The following ARHGAP8 variants were observed in gnomAD, a reference collection of about 807,000 sequenced individuals.
The protein encoded by ARHGAP8 is rho GTPase-activating protein 8.
ARHGAP8 carries 62 observed loss-of-function variants against 46.1 expected under a neutral mutation model. The ratio of observed to expected loss-of-function variants is 1.34; its 90% confidence interval spans 1.10 to 1.66. The LOEUF (loss-of-function observed/expected upper bound fraction) is 1.66, where lower values mean the gene tolerates loss of function less well. Ranked by LOEUF, ARHGAP8 falls within the 40% of genes most tolerant of loss-of-function variation. The probability of loss-of-function intolerance (pLI) is 0.00; values close to 1 mark genes in which losing one functional copy is unlikely to be tolerated. For synonymous variants in ARHGAP8, 375 were observed against 243.1 expected (o/e 1.54, Z -5.05); for missense variants, 923 against 568.4 (o/e 1.62, Z -6.34).
rs1030189901 is a variant in ARHGAP8, at chr22:44,822,375, A to C, written c.391A>C (p.Lys131Gln). The C allele has an allele frequency of 6.3e-7, 1 of 1,578,952 alleles. No individual in the cohort carries two copies. The highest frequency in any genetic ancestry group is 1.4e-5 in the African/African-American group (1 of 72,164). The stretch of plus-strand genomic sequence containing the variant: ...CTCTTGCTTCTGCTTTCTTAGTCAC[A>C]AGTTTGGGAAGAAAGTCATCTATTT... The part of the protein sequence containing the change: ...WNILKPLISH[K>Q]FGKKVIYFNY... The change falls in exon 6 of 12, where the codon AAG becomes CAG. Residue 131 changes from lysine (K) to glutamine (Q), a missense_variant. Lys to Gln is a moderately conservative substitution (Grantham distance 53). Coordinates refer to ENST00000356099, the MANE Select transcript of ARHGAP8 (RefSeq NM_181335.3).
intron 6 of ARHGAP8, among the ~76,000 whole-genome samples, chr22:44,822,806 G>A (rs969177958): frequency 6.6e-6 from 1 of 152,208 alleles, no homozygotes; most frequent in Non-Finnish European, 1.5e-5. Context: ...GAATTTCCCA[G>A]GCGTGTGGAT....
intron 10 of ARHGAP8, among the ~76,000 whole-genome samples, chr22:44,856,684 T>C (rs1232695075): frequency 6.9e-6 from 1 of 144,046 alleles, no homozygotes; most frequent in Non-Finnish European, 1.5e-5. Context: ...GAAAGGAGAA[T>C]CGTATCCCAT....
chr22:44,772,910 C>A (rs1926145490), intron 1 of ARHGAP8, among the ~76,000 whole-genome samples: 1 of 151,254 alleles, frequency 6.6e-6, no homozygotes. Context: ...CCCTGACCTC[C>A]TGGGTTCAAG....
chr22:44,808,234 T>A, intron 3 of ARHGAP8, 73 bp from the exon 4 acceptor site: 1 of 1,561,162 alleles, frequency 6.4e-7, no homozygotes, highest in South Asian at 1.2e-5. Flanking sequence ...TAGCTTCCAT[T>A]ATAGGGAAAG....
chr22:44,861,393 G>A (rs1355688643), intron 11 of ARHGAP8, among the ~76,000 whole-genome samples: 1 of 152,224 alleles, frequency 6.6e-6, no homozygotes, highest in Non-Finnish European at 1.5e-5. Flanking sequence ...GCACCTGGGG[G>A]CCTCGGCTTG....
At chr22:44,822,795 A>G (rs136663) in intron 6 of ARHGAP8, among the ~76,000 whole-genome samples, 146,217 of 152,322 alleles carry the variant, frequency 0.96, 70,230 homozygotes, top group African/African-American at 0.97. Flanking sequence ...GAAAATTAGG[A>G]GAATTTCCCA....
intron 1 of ARHGAP8, among the ~76,000 whole-genome samples, chr22:44,781,773 C>T (rs1393062435): frequency 6.6e-6 from 1 of 152,136 alleles, no homozygotes; most frequent in African/African-American, 2.4e-5. Context: ...GATCCACATG[C>T]CTCAGCCACC....
At position 44,786,259 on chromosome 22, in the gene ARHGAP8, C is replaced by CTGGGTGCTCGGCTGAGGCAGGGCGCCTAG. The variant is rs1224292131; in HGVS notation, c.-71-172_-71-144dup. ...GTGCTCGGCTGAGGGAGGGCGCGTA[C>CTGGGTGCTCGGCTGAGGCAGGGCGCCTAG]TGGGTGCTCGGCTGAGGCAGGGCGC... On this transcript the variant is annotated intron_variant, in intron 1 of 11. Coordinates refer to ENST00000356099, the MANE Select transcript of ARHGAP8 (RefSeq NM_181335.3). 5.0e-4 allele frequency among the ~76,000 whole-genome samples: 71 copies of CTGGGTGCTCGGCTGAGGCAGGGCGCCTAG among 141,156 alleles called. 2 individuals carry two copies. The highest frequency in any genetic ancestry group is 4.8e-3 in the Admixed American group (67 of 14,034). The allele number at this position is 141,156 out of a possible 152,430, so 92.6% of individuals were successfully genotyped here.
Position 44,859,798 on chromosome 22 carries a change from C to T in ARHGAP8, c.945C>T (p.Tyr315=), listed in dbSNP as rs565888098. 8.6e-5 allele frequency: 139 copies of T among 1,614,016 alleles called. No homozygotes were observed. Among genetic ancestry groups the T allele is most frequent in the Admixed American group, 5.2e-4 (31 of 60,024 alleles). The change falls in exon 11 of 12, where the codon TAC becomes TAT. Residue 315 remains tyrosine (Y), a synonymous_variant. Coordinates refer to ENST00000356099, the MANE Select transcript of ARHGAP8 (RefSeq NM_181335.3). The stretch of plus-strand genomic sequence containing the variant: ...TACGGAGCCTCCCAGAGCACAACTA[C>T]GTCGTCCTCCGCTACCTCATGGGCT... The part of the protein sequence containing the change: ...QILRSLPEHN[Y]VVLRYLMGFL...
At chr22:44,798,307 C>T (rs549938877) in intron 2 of ARHGAP8, among the ~76,000 whole-genome samples, 16 of 152,022 alleles carry the variant, frequency 1.1e-4, no homozygotes, top group Non-Finnish European at 1.8e-4. Context: ...AGGAAGGTCT[C>T]ATTATGTTGC....
intron 2 of ARHGAP8, among the ~76,000 whole-genome samples, chr22:44,798,919 G>A (rs1265551495): frequency 1.3e-5 from 2 of 152,116 alleles, no homozygotes; most frequent in African/African-American, 4.8e-5. Flanking sequence ...CATGTGCAAC[G>A]AGGAGCTGGA....
At chr22:44,835,221 GT>G (rs1931202834) in intron 7 of ARHGAP8, among the ~76,000 whole-genome samples, 5 of 140,266 alleles carry the variant, frequency 3.6e-5, no homozygotes, top group Admixed American at 7.2e-5. Flanking sequence ...TCAATTTTTT[GT>G]TTCTTTTGCT....
At chr22:44,819,187 G>A (rs1454709065) in intron 5 of ARHGAP8, among the ~76,000 whole-genome samples, 1 of 152,196 alleles carries the variant, frequency 6.6e-6, no homozygotes, top group East Asian at 1.9e-4. Context: ...TCCCACCTCA[G>A]CCTTCCAAGT....
At chr22:44,811,880 T>C (rs1602210651) in intron 4 of ARHGAP8, among the ~76,000 whole-genome samples, 1 of 151,708 alleles carries the variant, frequency 6.6e-6, no homozygotes, top group African/African-American at 2.4e-5. Context: ...GCCTGTAATC[T>C]CTGCTACTCG....
intron 8 of ARHGAP8, among the ~76,000 whole-genome samples, 169 bp from the exon 9 acceptor site, chr22:44,847,804 A>G (rs906414435): frequency 1.3e-5 from 2 of 152,164 alleles, no homozygotes; most frequent in Non-Finnish European, 2.9e-5. Context: ...TGGACCACAG[A>G]GGTGGGAAAT....
intron 2 of ARHGAP8, among the ~76,000 whole-genome samples, chr22:44,798,533 T>G (rs1273505621): frequency 6.6e-6 from 1 of 151,766 alleles, no homozygotes; most frequent in African/African-American, 2.4e-5. Context: ...ACTTGCGTTT[T>G]TTTTTTTTTT....
At chr22:44,788,931 G>T (rs1316934872) in intron 2 of ARHGAP8, among the ~76,000 whole-genome samples, 1 of 152,168 alleles carries the variant, frequency 6.6e-6, no homozygotes, top group Non-Finnish European at 1.5e-5. Context: ...TGTATGTTAT[G>T]CGTTGTTGGG....
intron 1 of ARHGAP8, among the ~76,000 whole-genome samples, chr22:44,769,857 C>T (rs922266716): frequency 1.3e-5 from 2 of 152,182 alleles, no homozygotes; most frequent in African/African-American, 4.8e-5. Context: ...AATCCGTCTC[C>T]TTGAAAATTC....
intron 3 of ARHGAP8, among the ~76,000 whole-genome samples, chr22:44,806,044 C>T (rs1328229775): frequency 6.6e-6 from 1 of 152,146 alleles, no homozygotes; most frequent in Non-Finnish European, 1.5e-5. Context: ...CAAGGAGGCG[C>T]CCAGAGTGGG....
Sources: allele counts gnomAD v4.1 joint callset (sites outside exome capture counted in the v4.1 genomes callset), GRCh38; gene constraint gnomAD v4.1.1; transcripts MANE v1.5; gene names NCBI Gene and HGNC (gene_info 2026-07-23, HGNC 2026-07-21).